CDH18: variants seen among roughly 807,000 people sequenced by gnomAD.
CDH18 encodes the protein cadherin 18, also known as cadherin-18.
In CDH18, 31 loss-of-function variants were observed where a neutral mutation model predicts 67.9. The ratio of observed to expected loss-of-function variants is 0.46; its 90% CI spans 0.34 to 0.62. The LOEUF (loss-of-function observed/expected upper bound fraction) is 0.62. Among genes scored for constraint, CDH18 ranks in the 20% least tolerant of loss-of-function variants. The pLI, the probability that CDH18 is intolerant of heterozygous loss-of-function variation, is 0.01. For synonymous variants in CDH18, 362 were observed against 347.2 expected, an observed-to-expected ratio of 1.04 and a Z score of -0.48; for missense variants, 890 against 975.5, an observed-to-expected ratio of 0.91 and a Z score of 1.17.
intron 1 of CDH18, among the ~76,000 whole-genome samples, chr5:20,257,604 A>C (rs2126620915): frequency 6.6e-6 from 1 of 152,250 alleles, no homozygotes; most frequent in Middle Eastern, 3.4e-3. Flanking sequence ...AAAGAAAATT[A>C]AGTTGTAATA....
chr5:20,217,287 T>C (rs1413454530), intron 2 of CDH18, among the ~76,000 whole-genome samples: 6 of 151,862 alleles, frequency 4.0e-5, no homozygotes, highest in Middle Eastern at 3.4e-3. Context: ...GTCTAAAAGA[T>C]GAACCCATCA....
At chr5:19,778,927 T>C (rs1199512093) in intron 3 of CDH18, among the ~76,000 whole-genome samples, 1 of 152,154 alleles carries the variant, frequency 6.6e-6, no homozygotes, top group African/African-American at 2.4e-5. Context: ...TTGCACTAGA[T>C]CTGATGCTGG....
intron 3 of CDH18, among the ~76,000 whole-genome samples, chr5:19,793,730 CA>C (rs1776589476): frequency 1.3e-5 from 2 of 152,106 alleles, no homozygotes; most frequent in African/African-American, 4.8e-5. Context: ...AAATAAAAAC[CA>C]AGGTCCTCGT....
chr5:20,012,441 C>T (rs1284142995), intron 2 of CDH18, among the ~76,000 whole-genome samples: 6 of 149,894 alleles, frequency 4.0e-5, no homozygotes, highest in Non-Finnish European at 8.9e-5. Context: ...GTCTCTGTCT[C>T]CTTCAGTTCA....
At chr5:20,506,485 T>C (rs1160677682) in intron 1 of CDH18, among the ~76,000 whole-genome samples, 1 of 152,234 alleles carries the variant, frequency 6.6e-6, no homozygotes. Context: ...AGCAAGGAGC[T>C]GAACCCCCAG....
At chr5:20,421,578 T>C (rs1747861935) in intron 1 of CDH18, among the ~76,000 whole-genome samples, 1 of 151,018 alleles carries the variant, frequency 6.6e-6, no homozygotes, top group African/African-American at 2.5e-5. Flanking sequence ...TTAAGAATGA[T>C]CAGTTCCTTT....
chr5:19,686,809 A>G (rs756109710), intron 5 of CDH18, among the ~76,000 whole-genome samples: 22 of 152,160 alleles, frequency 1.4e-4, no homozygotes, highest in Non-Finnish European at 2.9e-4. Context: ...ATATAACAAA[A>G]TATCTTCCCA....
chr5:20,038,106 T>C (rs906885509), intron 2 of CDH18, among the ~76,000 whole-genome samples: 2 of 152,090 alleles, frequency 1.3e-5, no homozygotes, highest in Admixed American at 1.3e-4. Context: ...CTAGAAGAAA[T>C]GGATAAATTC....
intron 1 of CDH18, among the ~76,000 whole-genome samples, chr5:20,259,066 G>C (rs780862141): frequency 6.6e-6 from 1 of 152,086 alleles, no homozygotes; most frequent in Non-Finnish European, 1.5e-5. Flanking sequence ...TGCAACAAAC[G>C]CCTAAAAATA....
intron 1 of CDH18, among the ~76,000 whole-genome samples, chr5:20,290,490 G>A (rs1233894680): frequency 6.6e-6 from 1 of 152,118 alleles, no homozygotes; most frequent in African/African-American, 2.4e-5. Context: ...GATCACAAAA[G>A]TGAATAAAGC....
At chr5:20,131,885 T>C (rs946743715) in intron 2 of CDH18, among the ~76,000 whole-genome samples, 1 of 151,704 alleles carries the variant, frequency 6.6e-6, no homozygotes, top group Non-Finnish European at 1.5e-5. Context: ...TTTTTTTTTG[T>C]TGTTGTTGTT....
intron 2 of CDH18, among the ~76,000 whole-genome samples, chr5:20,076,324 T>C (rs1420620455): frequency 6.6e-6 from 1 of 152,026 alleles, no homozygotes; most frequent in African/African-American, 2.4e-5. Flanking sequence ...ATATTTAGAT[T>C]TTTCAGATGA....
chr5:20,087,511 T>C (rs755645471), intron 2 of CDH18, among the ~76,000 whole-genome samples: 9 of 151,436 alleles, frequency 5.9e-5, no homozygotes, highest in Non-Finnish European at 1.0e-4. Context: ...GCAAATGTCA[T>C]TGTTGTCTAT....
At chr5:20,173,082 A>G (rs1736966040) in intron 2 of CDH18, among the ~76,000 whole-genome samples, 1 of 152,202 alleles carries the variant, frequency 6.6e-6, no homozygotes, top group Admixed American at 6.6e-5. Flanking sequence ...GAAATTCTTC[A>G]GCCAACAGAT....
chr5:19,758,066 G>C (rs1247897193), intron 3 of CDH18, among the ~76,000 whole-genome samples: 11 of 152,282 alleles, frequency 7.2e-5, no homozygotes, highest in Admixed American at 5.2e-4. Context: ...AGAAGGCAGG[G>C]TGGCAGGAGT....
At chr5:20,033,455 A>C (rs1739575101) in intron 2 of CDH18, among the ~76,000 whole-genome samples, 1 of 152,040 alleles carries the variant, frequency 6.6e-6, no homozygotes, top group African/African-American at 2.4e-5. Flanking sequence ...ATGGCTCACC[A>C]GGAAGTAAAC....
At chr5:20,353,742 G>A (rs951855068) in intron 1 of CDH18, among the ~76,000 whole-genome samples, 1 of 152,142 alleles carries the variant, frequency 6.6e-6, no homozygotes, top group Non-Finnish European at 1.5e-5. Context: ...TCATTTATGT[G>A]ACTATTTCCC....
intron 2 of CDH18, among the ~76,000 whole-genome samples, chr5:20,235,699 G>A (rs1742425903): frequency 6.6e-6 from 1 of 152,176 alleles, no homozygotes; most frequent in Admixed American, 6.5e-5. Flanking sequence ...AATTCAGTCA[G>A]TGTGGAGAGT....
At chr5:19,616,216 T>G (rs1749806633) in intron 5 of CDH18, among the ~76,000 whole-genome samples, 1 of 152,136 alleles carries the variant, frequency 6.6e-6, no homozygotes, top group South Asian at 2.1e-4. Flanking sequence ...CTCACAATGC[T>G]TAGCATAATA....
Sources: gnomAD v4.1 joint callset for allele counts (sites outside exome capture counted in the v4.1 genomes callset) on GRCh38, gnomAD v4.1.1 for gene constraint, MANE v1.5 for transcripts, NCBI Gene and HGNC (gene_info 2026-07-23, HGNC 2026-07-21) for gene names.